Variants in RBFOX1 observed in about 807,000 individuals in gnomAD.
RBFOX1 encodes the protein RNA binding fox-1 homolog 1.
RBFOX1 carries 8 observed loss-of-function variants against 57.7 expected under a neutral mutation model. The observed-to-expected ratio is 0.14, with a 90% CI of 0.08 to 0.25. RBFOX1 has a LOEUF of 0.25. RBFOX1 is among the 10% of genes least tolerant of loss of function. The pLI is 1.00. For missense variants in RBFOX1, 611 were observed against 548.5 expected, an observed-to-expected ratio of 1.11 and a Z score of -1.14; for synonymous variants, 326 against 222.4, an observed-to-expected ratio of 1.47 and a Z score of -4.15.
intron 3 of RBFOX1, among the ~76,000 whole-genome samples, chr16:5,773,132 T>C (rs1238947019): frequency 6.6e-6 from 1 of 152,214 alleles, no homozygotes; most frequent in Non-Finnish European, 1.5e-5. Context: ...AGGTATGACC[T>C]GGCTTGGGTT....
intron 4 of RBFOX1, among the ~76,000 whole-genome samples, chr16:7,345,734 A>G (rs1249755931): frequency 6.6e-6 from 1 of 152,200 alleles, no homozygotes; most frequent in Non-Finnish European, 1.5e-5. Flanking sequence ...TGCAGAGCAT[A>G]TGGGATTCTT....
In RBFOX1 at chr16:6,020,082, C is replaced by T. The variant is rs943685898; in HGVS notation, c.-127+90C>T. The T allele has an allele frequency of 5.4e-6, 7 of 1,306,548 alleles. No homozygotes were observed. In the East Asian group the frequency reaches 1.2e-4, roughly 22 times the overall value. The allele number at this position is 1,306,548 out of a possible 1,614,324, so 80.9% of individuals were successfully genotyped here. Reference sequence around the variant, plus strand: ...CTCATGGAGGGAAGCGCTAGGTCCCCGAGAACTGGCCTCCTCCTAGCGCCA... The same window carrying T: ...CTCATGGAGGGAAGCGCTAGGTCCCTGAGAACTGGCCTCCTCCTAGCGCCA... On this transcript the variant is annotated intron_variant, in intron 1 of 15. Transcript: ENST00000550418.
intron 4 of RBFOX1, among the ~76,000 whole-genome samples, chr16:7,190,813 A>G (rs1294963871): frequency 1.3e-5 from 2 of 152,180 alleles, no homozygotes; most frequent in Non-Finnish European, 2.9e-5. Context: ...ATTTTTGGTA[A>G]CAGTTACGTT....
chr16:7,030,278 G>A (rs894307923), intron 3 of RBFOX1, among the ~76,000 whole-genome samples: 14 of 152,118 alleles, frequency 9.2e-5, no homozygotes, highest in African/African-American at 3.1e-4. Context: ...AATGGAGTCA[G>A]GACTTTCATA....
At chr16:6,197,357 A>G (rs138357908) in intron 1 of RBFOX1, among the ~76,000 whole-genome samples, 3 of 152,012 alleles carry the variant, frequency 2.0e-5, no homozygotes, top group African/African-American at 4.8e-5. Flanking sequence ...TTGTGTCTCA[A>G]ACTGAAATCA....
At chr16:6,842,925 G>A (rs2093563846) in intron 3 of RBFOX1, among the ~76,000 whole-genome samples, 1 of 151,946 alleles carries the variant, frequency 6.6e-6, no homozygotes, top group Non-Finnish European at 1.5e-5. Context: ...TGCAGTGTTT[G>A]GTTTTCTGTT....
intron 3 of RBFOX1, among the ~76,000 whole-genome samples, chr16:5,858,486 C>G (rs2057126953): frequency 6.6e-6 from 1 of 152,152 alleles, no homozygotes; most frequent in Non-Finnish European, 1.5e-5. Flanking sequence ...TGATCAGTCC[C>G]TCCCTCCCCT....
intron 3 of RBFOX1, among the ~76,000 whole-genome samples, chr16:5,858,816 G>C (rs1359309906): frequency 6.6e-6 from 1 of 152,184 alleles, no homozygotes; most frequent in East Asian, 1.9e-4. Context: ...TTACACTTAT[G>C]GTTAAAATTT....
chr16:6,534,242 A>G (rs2096704612), intron 2 of RBFOX1, among the ~76,000 whole-genome samples: 1 of 152,032 alleles, frequency 6.6e-6, no homozygotes, highest in Non-Finnish European at 1.5e-5. Context: ...ATTGCTGACA[A>G]GGACATCAGT....
At chr16:5,488,807 T>C (rs1479590957) in intron 2 of RBFOX1, among the ~76,000 whole-genome samples, 1 of 150,112 alleles carries the variant, frequency 6.7e-6, no homozygotes, top group Admixed American at 6.6e-5. Context: ...AGATTAACAG[T>C]GATGATGATG....
At chr16:5,779,414 C>G (rs2054255686) in intron 3 of RBFOX1, among the ~76,000 whole-genome samples, 1 of 152,218 alleles carries the variant, frequency 6.6e-6, no homozygotes, top group Non-Finnish European at 1.5e-5. Context: ...TGGTGCTATA[C>G]AATTCCATTC....
intron 2 of RBFOX1, among the ~76,000 whole-genome samples, chr16:6,635,139 T>G (rs1335151670): frequency 2.7e-5 from 4 of 146,914 alleles, no homozygotes; most frequent in African/African-American, 9.9e-5. Flanking sequence ...TGTATTATAT[T>G]AAATGTATAT....
intron 1 of RBFOX1, among the ~76,000 whole-genome samples, chr16:6,083,509 C>G (rs1165045179): frequency 1.3e-5 from 2 of 152,112 alleles, no homozygotes; most frequent in African/African-American, 2.4e-5. Flanking sequence ...TAGGGTCTTG[C>G]TTTCTTGCCC....
chr16:7,611,590 A>G (rs2141480630), intron 10 of RBFOX1, among the ~76,000 whole-genome samples: 1 of 152,204 alleles, frequency 6.6e-6, no homozygotes, highest in East Asian at 1.9e-4. Context: ...AAAAAAAAAA[A>G]AAAAGGCAAG....
chr16:6,977,892 C>T (rs1259146914), intron 3 of RBFOX1, among the ~76,000 whole-genome samples: 2 of 148,768 alleles, frequency 1.3e-5, no homozygotes, highest in African/African-American at 5.1e-5. Flanking sequence ...AGGGGACTCT[C>T]TAGGGAGATC....
At chr16:5,285,335 T>G (rs1034152638) in intron 1 of RBFOX1, among the ~76,000 whole-genome samples, 1 of 151,388 alleles carries the variant, frequency 6.6e-6, no homozygotes, top group African/African-American at 2.4e-5. Flanking sequence ...TCTGTTGAAT[T>G]TCTCATTCAG....
chr16:6,834,966 C>T (rs1358597754), intron 3 of RBFOX1, among the ~76,000 whole-genome samples: 2 of 147,808 alleles, frequency 1.4e-5, no homozygotes, highest in East Asian at 4.1e-4. Context: ...GATCTTGGTT[C>T]ACTGTAAGCT....
chr16:5,293,799 G>C (rs970929528), intron 1 of RBFOX1, among the ~76,000 whole-genome samples: 1 of 151,434 alleles, frequency 6.6e-6, no homozygotes, highest in African/African-American at 2.4e-5. Context: ...GTTATTTTTT[G>C]GGGGGGCGGG....
At chr16:5,883,549 C>G (rs912310284) in intron 4 of RBFOX1, among the ~76,000 whole-genome samples, 3 of 152,066 alleles carry the variant, frequency 2.0e-5, no homozygotes, top group Non-Finnish European at 4.4e-5. Flanking sequence ...TTGGACTGCT[C>G]TAATTGTTTT....
Sources: gnomAD v4.1 joint callset for allele counts (sites outside exome capture counted in the v4.1 genomes callset) on GRCh38, gnomAD v4.1.1 for gene constraint, MANE v1.5 for transcripts, NCBI Gene and HGNC (gene_info 2026-07-23, HGNC 2026-07-21) for gene names.